Variants in ASXL3 observed in about 807,000 individuals in gnomAD.
ASXL3 encodes putative Polycomb group protein ASXL3.
Under a neutral mutation model 170.6 loss-of-function variants are expected in ASXL3, and 34 were observed. The ratio of observed to expected loss-of-function variants is 0.20; its 90% CI spans 0.15 to 0.27. The LOEUF is 0.27. ASXL3 is among the 10% of genes least tolerant of loss of function. The pLI, the probability that ASXL3 is intolerant of heterozygous loss-of-function variation, is 1.00. For missense variants in ASXL3, 2,592 were observed against 2,695.3 expected, an observed-to-expected ratio of 0.96 and a Z score of 0.85; for synonymous variants, 1,002 against 989.1, an observed-to-expected ratio of 1.01 and a Z score of -0.24.
At chr18:33,659,307 A>G (rs1195843762) in intron 4 of ASXL3, among the ~76,000 whole-genome samples, 1 of 152,258 alleles carries the variant, frequency 6.6e-6, no homozygotes, top group South Asian at 2.1e-4. Context: ...TTAGACGCCC[A>G]GTATGCAGAA....
chr18:33,745,722 T>C lies in ASXL3; in HGVS notation c.5874T>C (p.Cys1958=). ...CCTCTTCCAAGACCCCAGTGGGGTG[T>C]AATGCATTTGCCTTCAACAGGCATC... ...LQASSKTPVG[C]NAFAFNRHLE... is the part of the protein sequence containing the mutation. Residue 1958 remains cysteine (C), a synonymous_variant, in exon 12 of 12, where the codon TGT becomes TGC. Transcript: ENST00000269197. 1 of 1,613,946 alleles carries C rather than the reference T, an allele frequency of 6.2e-7. No homozygotes were observed. The highest frequency in any genetic ancestry group is 8.5e-7 in the Non-Finnish European group (1 of 1,179,878).
intron 1 of ASXL3, among the ~76,000 whole-genome samples, chr18:33,600,644 G>A (rs1414825748): frequency 6.6e-6 from 1 of 152,120 alleles, no homozygotes; most frequent in Non-Finnish European, 1.5e-5. Flanking sequence ...GGAATGCGAA[G>A]TGTTTTAAAT....
intron 1 of ASXL3, among the ~76,000 whole-genome samples, chr18:33,587,662 T>A (rs2145093899): frequency 6.6e-6 from 1 of 152,160 alleles, no homozygotes; most frequent in East Asian, 1.9e-4. Context: ...TCTCCTGAAA[T>A]CCTTACTATC....
At chr18:33,673,798 G>T (rs2066385503) in intron 7 of ASXL3, among the ~76,000 whole-genome samples, 2 of 152,152 alleles carry the variant, frequency 1.3e-5, no homozygotes, top group African/African-American at 4.8e-5. Context: ...AGGAAATCCT[G>T]CATGCCACTA....
intron 9 of ASXL3, among the ~76,000 whole-genome samples, chr18:33,733,509 T>G (rs1403825352): frequency 1.3e-5 from 2 of 152,176 alleles, no homozygotes; most frequent in Admixed American, 1.3e-4. Context: ...TCTCCACCTT[T>G]CCTGTGTGGT....
At chr18:33,726,907 G>A (rs551699956) in intron 8 of ASXL3, among the ~76,000 whole-genome samples, 1 of 152,240 alleles carries the variant, frequency 6.6e-6, no homozygotes, top group South Asian at 2.1e-4. Flanking sequence ...CTAGCTCCAA[G>A]GGCCTCTGTG....
At chr18:33,690,624 T>C (rs1258132133) in intron 8 of ASXL3, among the ~76,000 whole-genome samples, 1 of 152,200 alleles carries the variant, frequency 6.6e-6, no homozygotes, top group African/African-American at 2.4e-5. Flanking sequence ...AATGCTAATC[T>C]AATACCCCAT....
chr18:33,714,749 C>T (rs2067136201), intron 8 of ASXL3, among the ~76,000 whole-genome samples: 1 of 152,002 alleles, frequency 6.6e-6, no homozygotes, highest in South Asian at 2.1e-4. Flanking sequence ...CATTCTCCTC[C>T]CCCGGTCTTT....
chr18:33,592,284 A>G (rs889401845), intron 1 of ASXL3, among the ~76,000 whole-genome samples: 1 of 152,222 alleles, frequency 6.6e-6, no homozygotes, highest in Non-Finnish European at 1.5e-5. Flanking sequence ...ATCTACAAAG[A>G]AAAAAGTCTT....
chr18:33,712,701 A>C (rs1180324860), intron 8 of ASXL3, among the ~76,000 whole-genome samples: 1 of 152,176 alleles, frequency 6.6e-6, no homozygotes, highest in African/African-American at 2.4e-5. Flanking sequence ...AGTATTTTGC[A>C]TGTATGTATG....
In ASXL3 at chr18:33,745,639, T is replaced by C. The variant is rs1403268674; in HGVS notation, c.5791T>C (p.Phe1931Leu). ...CGCTGGTACCTCACACAGACAGCAG[T>C]TTTACCAAATGCCTGTGGCTGCCAG... Reference protein sequence around the residue: ...TDAGTSHRQQFYQMPVAARGP... With the variant: ...TDAGTSHRQQLYQMPVAARGP... The change falls in exon 12 of 12, where the codon TTT (phenylalanine) becomes CTT (leucine). Residue 1931 changes from phenylalanine (F) to leucine (L), a missense_variant. Phe to Leu is a conservative substitution (Grantham distance 22). Transcript: ENST00000269197. 1 of 1,613,860 alleles carries C rather than the reference T, an allele frequency of 6.2e-7. No individual in the cohort carries two copies. Among genetic ancestry groups the C allele is most frequent in the East Asian group, 2.2e-5 (1 of 44,870 alleles).
At chr18:33,624,396 A>G (rs1195106325) in intron 2 of ASXL3, among the ~76,000 whole-genome samples, 1 of 152,104 alleles carries the variant, frequency 6.6e-6, no homozygotes, top group Non-Finnish European at 1.5e-5. Flanking sequence ...GTTCATTTAC[A>G]ATAAATCCCA....
chr18:33,606,134 A>G (rs968534369), intron 1 of ASXL3, among the ~76,000 whole-genome samples: 16 of 151,164 alleles, frequency 1.1e-4, no homozygotes, highest in Admixed American at 1.1e-3. Flanking sequence ...CAGTTTCCTT[A>G]TTGCCTTTTT....
At chr18:33,661,552 T>TA in intron 4 of ASXL3, 64 bp from the exon 5 acceptor site, 1 of 1,477,848 alleles carries the variant, frequency 6.8e-7, no homozygotes, top group Non-Finnish European at 9.2e-7. Context: ...TCCAAGTGTG[T>TA]AATTACAGTG....
rs777023615 is a variant in ASXL3, at chr18:33,750,868, G to C, written c.*4273G>C. ...CTCAGAAGGGGGAGCAGTTGATTCA[G>C]TAAGACTGCGACAATTTAATACTGT... On this transcript the variant is annotated 3_prime_UTR_variant, in exon 12 of 12. Transcript: ENST00000269197. 1 of 152,204 alleles carries C rather than the reference G, an allele frequency of 6.6e-6. No homozygotes were observed. Among genetic ancestry groups the C allele is most frequent in the African/African-American group, 2.4e-5 (1 of 41,454 alleles). 9.4% of individuals were successfully genotyped at this position (152,204 alleles called of 1,614,324 possible).
intron 5 of ASXL3, among the ~76,000 whole-genome samples, chr18:33,667,657 G>A (rs1278804716): frequency 2.0e-5 from 3 of 151,822 alleles, no homozygotes; most frequent in Admixed American, 2.0e-4. Context: ...TTCCTTTGTT[G>A]CCTCCAGAGA....
At chr18:33,668,709 C>A in intron 5 of ASXL3, among the ~76,000 whole-genome samples, 1 of 151,986 alleles carries the variant, frequency 6.6e-6, no homozygotes, top group East Asian at 1.9e-4. Context: ...TTTCTTCTGT[C>A]TGATTACTAA....
At chr18:33,597,795 A>C (rs2145107739) in intron 1 of ASXL3, among the ~76,000 whole-genome samples, 1 of 24,990 alleles carries the variant, frequency 4.0e-5, no homozygotes, top group Non-Finnish European at 1.0e-4. Flanking sequence ...CTCATCTACA[A>C]AAAAAAAAAA....
intron 1 of ASXL3, among the ~76,000 whole-genome samples, chr18:33,586,065 A>G (rs898415466): frequency 6.6e-6 from 1 of 152,176 alleles, no homozygotes; most frequent in Non-Finnish European, 1.5e-5. Context: ...GGTGAATGGC[A>G]TTTCTAAGAT....
Sources: allele counts gnomAD v4.1 joint callset (sites outside exome capture counted in the v4.1 genomes callset), GRCh38; gene constraint gnomAD v4.1.1; transcripts MANE v1.5; gene names NCBI Gene and HGNC (gene_info 2026-07-23, HGNC 2026-07-21).